The following ZNF221 variants were observed in gnomAD, a reference collection of about 807,000 sequenced individuals.
ZNF221 encodes zinc finger protein 221.
A neutral mutation model predicts 12.6 loss-of-function variants in ZNF221; 10 were observed. The observed-to-expected ratio is 0.79, with a 90% CI of 0.49 to 1.34. ZNF221 has a LOEUF of 1.34. Among genes scored for constraint, ZNF221 ranks in the 40% most tolerant of loss-of-function variants. The pLI, the probability that ZNF221 is intolerant of heterozygous loss-of-function variation, is 0.00. For missense variants in ZNF221, 661 were observed against 721.4 expected (o/e 0.92, Z 0.96); for synonymous variants, 232 against 244.0 (o/e 0.95, Z 0.46).
At chr19:43,970,892 T>C (rs1165356044), downstream of ZNF221, among the ~76,000 whole-genome samples, 1 of 152,154 alleles carries the variant, frequency 6.6e-6, no homozygotes, top group Admixed American at 6.5e-5. Flanking sequence ...CAGGCTAATA[T>C]TCAAATTCAG....
At chr19:43,952,576 G>C (rs1974692338) in intron 1 of ZNF221, among the ~76,000 whole-genome samples, 1 of 152,216 alleles carries the variant, frequency 6.6e-6, no homozygotes. Context: ...AACAAAGGGA[G>C]CAGGAGTTAT....
rs768198767 is a variant in ZNF221 at position 43,966,819 on chromosome 19, C to A, written c.1317C>A (p.Ser439=). Residue 439 remains serine (S), a synonymous_variant, in exon 5 of 5, where the codon TCC becomes TCA. Transcript: ENST00000587682. ...TTTATACAAATTCACGACGATCTTC[C>A]CATCAGAGATCCCACAATGGAGAAA... ...KGFYTNSRRS[S]HQRSHNGEKP... The A allele has an allele frequency of 3.7e-6, 6 of 1,614,030 alleles. No homozygotes were observed. In the Admixed American group the frequency reaches 1.0e-4, roughly 27 times the overall value.
chr19:43,954,742 C>G lies in ZNF221; in HGVS notation c.-3+3342C>G, dbSNP rs183196876. On this transcript the variant is annotated intron_variant, in intron 1 of 4. Coordinates refer to ENST00000587682, the MANE Select transcript of ZNF221 (RefSeq NM_001297588.2). ...AGTTGTAGCCCTGATCCTGTGACCACTACATCAGGTATGGGGAAAAAAATT... is the reference window on the plus strand; with the variant it reads ...AGTTGTAGCCCTGATCCTGTGACCAGTACATCAGGTATGGGGAAAAAAATT... 2.6e-4 allele frequency among the ~76,000 whole-genome samples: 40 copies of G among 151,842 alleles called. No individual in the cohort carries two copies. The East Asian group carries it at 7.8e-3, about 29-fold the overall frequency.
At chr19:43,968,567 A>G (rs772288828), downstream of ZNF221, among the ~76,000 whole-genome samples, 1 of 152,214 alleles carries the variant, frequency 6.6e-6, no homozygotes, top group African/African-American at 2.4e-5. Context: ...AATTGTATCT[A>G]AAAGAGGAAA....
At position 43,966,089 on chromosome 19, in the gene ZNF221, A is replaced by G; in HGVS notation, c.587A>G (p.Lys196Arg). 1 of 1,614,246 alleles carries G rather than the reference A, an allele frequency of 6.2e-7. No homozygotes were observed. The highest frequency in any genetic ancestry group is 8.5e-7 in the Non-Finnish European group (1 of 1,180,040). ...DLHQQSHSGEKSHTCGECGKS... is the reference protein window; with the variant it reads ...DLHQQSHSGERSHTCGECGKS... The stretch of plus-strand genomic sequence containing the variant: ...CATCAACAATCACACTCAGGAGAGA[A>G]ATCTCATACATGTGGTGAGTGTGGA... The change falls in exon 5 of 5, where the codon AAA (lysine) becomes AGA (arginine). Residue 196 changes from lysine to arginine, a missense_variant. Transcript: ENST00000587682.
chr19:43,964,913 G>A (rs1261083976), intron 2 of ZNF221, 37 bp from the exon 3 acceptor site: 6 of 1,613,612 alleles, frequency 3.7e-6, no homozygotes, highest in Non-Finnish European at 5.1e-6. Context: ...ATAATCATTG[G>A]TCATAAGATT....
intron 1 of ZNF221, among the ~76,000 whole-genome samples, chr19:43,955,538 A>G (rs1352650534): frequency 1.3e-5 from 2 of 152,046 alleles, no homozygotes; most frequent in African/African-American, 2.4e-5. Flanking sequence ...CCCTACTTCA[A>G]ATTTCTGTAA....
At chr19:43,959,830 A>G (rs1041692502) in intron 1 of ZNF221, among the ~76,000 whole-genome samples, 1 of 152,200 alleles carries the variant, frequency 6.6e-6, no homozygotes, top group African/African-American at 2.4e-5. Flanking sequence ...GAAATGAACT[A>G]ATACAGAAAA....
In ZNF221 at chr19:43,951,241, A is replaced by C. The variant is rs930822741; in HGVS notation, c.-162A>C. On this transcript the variant is annotated 5_prime_UTR_variant, in exon 1 of 5. Coordinates refer to ENST00000587682, the MANE Select transcript of ZNF221 (RefSeq NM_001297588.2). ...GAAATGTAGTCCAGACGCTCTGTGGAGTCGCGGGAGCTACGGCTGCGGGAG... is the reference window on the plus strand; with the variant it reads ...GAAATGTAGTCCAGACGCTCTGTGGCGTCGCGGGAGCTACGGCTGCGGGAG... 2.6e-5 allele frequency: 4 copies of C among 152,316 alleles called. No homozygotes were observed. Among genetic ancestry groups the C allele is most frequent in the African/African-American group, 9.6e-5 (4 of 41,554 alleles). 9.4% of individuals were successfully genotyped at this position (152,316 alleles called of 1,614,324 possible).
the ZNF221 span, among the ~76,000 whole-genome samples, chr19:43,976,428 C>T: frequency 1.3e-5 from 2 of 152,042 alleles, no homozygotes; most frequent in East Asian, 3.9e-4. Context: ...TCCCAGCTAC[C>T]TGAGAGGCTG....
chr19:43,955,050 G>A lies in ZNF221; in HGVS notation c.-3+3650G>A, dbSNP rs575756370. Among the ~76,000 whole-genome samples the A allele has an allele frequency of 5.9e-5, 9 of 151,350 alleles. No homozygotes were observed. The South Asian group carries it at 1.0e-3, about 18-fold the overall frequency. On this transcript the variant is annotated intron_variant, in intron 1 of 4. Coordinates refer to ENST00000587682, the MANE Select transcript of ZNF221 (RefSeq NM_001297588.2). ...TCAAACTATTACTCTGAGGAGGATCGCTCTCTATTCATTGCTGGACATTGT... is the reference window on the plus strand; with the variant it reads ...TCAAACTATTACTCTGAGGAGGATCACTCTCTATTCATTGCTGGACATTGT...
downstream of ZNF221, chr19:43,968,114 A>G (rs1265264728): frequency 2.0e-5 from 3 of 152,348 alleles, no homozygotes; most frequent in East Asian, 5.8e-4. Context: ...TTCATATCTC[A>G]TAGCTTATTA....
chr19:43,968,340 A>G (rs923806479), downstream of ZNF221, among the ~76,000 whole-genome samples: 2 of 152,240 alleles, frequency 1.3e-5, no homozygotes, highest in Admixed American at 6.5e-5. Flanking sequence ...AGGCATTTAC[A>G]AATCTCTAAT....
At position 43,965,342 on chromosome 19, in the gene ZNF221, T is replaced by C. The variant is rs201839858; in HGVS notation, c.301+17T>C. 1.4e-5 allele frequency: 22 copies of C among 1,594,498 alleles called. No individual in the cohort carries two copies. Among genetic ancestry groups the C allele is most frequent in the Non-Finnish European group, 1.8e-5 (21 of 1,167,048 alleles). ...GGAATTCAGGTAAGAACCAAGTAACTGTGCATCCTTGTACATGACTCTTCC... is the reference window on the plus strand; with the variant it reads ...GGAATTCAGGTAAGAACCAAGTAACCGTGCATCCTTGTACATGACTCTTCC... On this transcript the variant is annotated intron_variant, in intron 4 of 4. Transcript: ENST00000587682.
intron 2 of ZNF221, among the ~76,000 whole-genome samples, chr19:43,964,173 G>C (rs982715393): frequency 8.6e-5 from 13 of 152,038 alleles, no homozygotes; most frequent in African/African-American, 3.1e-4. Flanking sequence ...AATAATGACA[G>C]TTATAATAAA....
chr19:43,956,198 T>G (rs1974750977), intron 1 of ZNF221, among the ~76,000 whole-genome samples: 1 of 152,186 alleles, frequency 6.6e-6, no homozygotes, highest in South Asian at 2.1e-4. Flanking sequence ...TACCAGCACT[T>G]CAGATTCTAT....
intron 1 of ZNF221, among the ~76,000 whole-genome samples, chr19:43,959,635 T>C (rs1974812135): frequency 6.6e-6 from 1 of 152,226 alleles, no homozygotes; most frequent in South Asian, 2.1e-4. Context: ...TTGTTCCTGC[T>C]CTCACTTTGT....
chr19:43,968,258 G>T (rs777349840), downstream of ZNF221, among the ~76,000 whole-genome samples: 1 of 152,192 alleles, frequency 6.6e-6, no homozygotes, highest in African/African-American at 2.4e-5. Flanking sequence ...TTTGTAATTT[G>T]GGGCTTCATT....
At position 43,966,521 on chromosome 19, in the gene ZNF221, G is replaced by T. The variant is rs2079602689; in HGVS notation, c.1019G>T (p.Cys340Phe). ...MVHTGEKPFRCDTCGKNFRQR... is the reference protein window; with the variant it reads ...MVHTGEKPFRFDTCGKNFRQR... Reference sequence around the variant, plus strand: ...CACACAGGAGAAAAACCATTCAGATGTGATACATGTGGCAAGAACTTTCGT... The same window carrying T: ...CACACAGGAGAAAAACCATTCAGATTTGATACATGTGGCAAGAACTTTCGT... The change falls in exon 5 of 5, where the codon TGT becomes TTT. Residue 340 changes from cysteine (C) to phenylalanine (F), a missense_variant. Coordinates refer to ENST00000587682, the MANE Select transcript of ZNF221 (RefSeq NM_001297588.2). The T allele has an allele frequency of 1.2e-6, 2 of 1,614,184 alleles. No individual in the cohort carries two copies. Among genetic ancestry groups the T allele is most frequent in the South Asian group, 2.2e-5 (2 of 91,088 alleles).
Sources: allele counts gnomAD v4.1 joint callset (sites outside exome capture counted in the v4.1 genomes callset), GRCh38; gene constraint gnomAD v4.1.1; transcripts MANE v1.5; gene names NCBI Gene and HGNC (gene_info 2026-07-23, HGNC 2026-07-21).